GPM6B: variants seen among roughly 807,000 people sequenced by gnomAD.
GPM6B encodes the protein neuronal membrane glycoprotein M6-b.
A neutral mutation model predicts 27.2 loss-of-function variants in GPM6B; 4 were observed. The ratio of observed to expected loss-of-function variants is 0.15; its 90% CI spans 0.07 to 0.34. The LOEUF (loss-of-function observed/expected upper bound fraction) is 0.34, where lower values mean the gene tolerates loss of function less well. GPM6B is among the 10% of genes least tolerant of loss of function. The pLI is 1.00. For synonymous variants in GPM6B, 124 were observed against 103.1 expected (o/e 1.20, Z -1.23); for missense variants, 183 against 261.9 (o/e 0.70, Z 2.08).
intron 1 of GPM6B, among the ~76,000 whole-genome samples, chrX:13,814,838 C>G (rs1350413995): frequency 8.9e-6 from 1 of 112,049 alleles, no homozygotes; most frequent in Non-Finnish European, 1.9e-5. Context: ...AATCCCCTGG[C>G]TTGTATTCTT....
rs201516031 is a variant in GPM6B, at chrX:13,874,946, C to CA, written c.-198+63380dup. ...TCCATACACATACCAATCCCCCCCC[C>CA]ACCCCCGCTTCAAACTCTCCCTCTT... is the stretch of plus-strand genomic sequence containing the variant. On this transcript the variant is annotated intron_variant, in intron 1 of 6. Coordinates refer to the GPM6B transcript ENST00000398361. 3.0e-5 allele frequency among the ~76,000 whole-genome samples: 3 copies of CA among 99,889 alleles called. 1 individual carries two copies. Among genetic ancestry groups the CA allele is most frequent in the African/African-American group, 1.1e-4 (3 of 26,458 alleles). 86.7% of individuals were successfully genotyped at this position (99,889 alleles called of 115,157 possible).
In GPM6B at chrX:13,772,287, A is replaced by T. The variant is rs1163447767; in HGVS notation, c.*594T>A. ...GCTAATTTTAGCATTATTGAAAAATATATTTCTGATTGGCTCAGGAAATTA... is the reference window on the plus strand; with the variant it reads ...GCTAATTTTAGCATTATTGAAAAATTTATTTCTGATTGGCTCAGGAAATTA... On this transcript the variant is annotated 3_prime_UTR_variant, in exon 8 of 8. Transcript: ENST00000316715. 1.8e-5 allele frequency: 2 copies of T among 112,364 alleles called. No homozygotes were observed. Among genetic ancestry groups the T allele is most frequent in the Admixed American group, 1.9e-4 (2 of 10,585 alleles). The allele number at this position is 112,364 out of a possible 1,213,427, so 9.3% of individuals were successfully genotyped here.
At chrX:13,776,650 G>T (rs1428594362) in intron 6 of GPM6B, among the ~76,000 whole-genome samples, 1 of 112,323 alleles carries the variant, frequency 8.9e-6, no homozygotes, top group African/African-American at 3.2e-5. Flanking sequence ...TGACAAGTCA[G>T]ATAGGGTAGG....
chrX:13,867,140 C>A (rs1388537248), intron 1 of GPM6B, among the ~76,000 whole-genome samples: 3 of 108,538 alleles, frequency 2.8e-5, no homozygotes, highest in African/African-American at 1.0e-4. Flanking sequence ...GACAGGGTCT[C>A]ACTCTGTCAC....
intron 1 of GPM6B, among the ~76,000 whole-genome samples, chrX:13,871,118 A>C (rs2049973809): frequency 9.5e-6 from 1 of 105,104 alleles, no homozygotes; most frequent in Non-Finnish European, 2.0e-5. Context: ...ACAAAACAAA[A>C]AAAAAAGAAG....
chrX:13,896,703 G>A (rs1034904452), intron 1 of GPM6B, among the ~76,000 whole-genome samples: 8 of 110,548 alleles, frequency 7.2e-5, no homozygotes, highest in Non-Finnish European at 1.5e-4. Context: ...AAGTAGCTGA[G>A]ACTACAGGTG....
intron 2 of GPM6B, among the ~76,000 whole-genome samples, chrX:13,790,854 C>T (rs940057411): frequency 9.8e-6 from 1 of 101,949 alleles, no homozygotes; most frequent in African/African-American, 3.8e-5. Context: ...CCTGAGAAAG[C>T]AGATTTCTAA....
At chrX:13,832,174 G>GTAGTT (rs1226009009) in intron 1 of GPM6B, among the ~76,000 whole-genome samples, 1 of 111,735 alleles carries the variant, frequency 8.9e-6, no homozygotes, top group East Asian at 2.8e-4. Context: ...GAGTGAGCAT[G>GTAGTT]TAGTTGTCAC....
At chrX:13,852,935 C>T (rs1253711504) in intron 1 of GPM6B, among the ~76,000 whole-genome samples, 1 of 110,080 alleles carries the variant, frequency 9.1e-6, no homozygotes, top group African/African-American at 3.3e-5. Context: ...TGCACGCCAC[C>T]ATGCCCAGCC....
intron 2 of GPM6B, among the ~76,000 whole-genome samples, chrX:13,805,556 T>C (rs2049006565): frequency 8.9e-6 from 1 of 112,182 alleles, no homozygotes; most frequent in African/African-American, 3.2e-5. Context: ...AAACAGAAAA[T>C]GGAGCCTCGT....
At chrX:13,887,844 C>A (rs1199938499) in intron 1 of GPM6B, among the ~76,000 whole-genome samples, 1 of 111,579 alleles carries the variant, frequency 9.0e-6, no homozygotes, top group Non-Finnish European at 1.9e-5. Context: ...TTGCAAAGCT[C>A]CTCAGCTGAT....
chrX:13,913,732 T>C (rs1217886978), intron 1 of GPM6B, among the ~76,000 whole-genome samples: 1 of 111,208 alleles, frequency 9.0e-6, no homozygotes, highest in Non-Finnish European at 1.9e-5. Flanking sequence ...CTCTCAACTA[T>C]GTGAAAAACT....
intron 1 of GPM6B, among the ~76,000 whole-genome samples, chrX:13,808,846 T>G (rs1170171632): frequency 8.9e-6 from 1 of 111,864 alleles, no homozygotes; most frequent in East Asian, 2.8e-4. Flanking sequence ...CCACAATCTC[T>G]GAAAACTTGT....
intron 1 of GPM6B, among the ~76,000 whole-genome samples, chrX:13,905,046 G>C (rs1172654283): frequency 3.7e-5 from 4 of 107,674 alleles, no homozygotes; most frequent in Non-Finnish European, 7.7e-5. Flanking sequence ...ACCAGCCTGG[G>C]CAACATGGCG....
intron 1 of GPM6B, among the ~76,000 whole-genome samples, chrX:13,852,772 A>AT: frequency 2.2e-5 from 1 of 46,012 alleles, no homozygotes; most frequent in Non-Finnish European, 4.0e-5. Context: ...TACAACAAAA[A>AT]CTTTTTTTTT....
Position 13,855,311 on chromosome X carries a change from G to A in GPM6B, c.-197-69503C>T, listed in dbSNP as rs73633580. ...TGCGATTATAGGCGTGAGCCACCGCGCCCGGCTCCCCTGACTTTTAAGGCC... is the reference window on the plus strand; with the variant it reads ...TGCGATTATAGGCGTGAGCCACCGCACCCGGCTCCCCTGACTTTTAAGGCC... On this transcript the variant is annotated intron_variant, in intron 1 of 6. Coordinates refer to the GPM6B transcript ENST00000398361. Among the ~76,000 whole-genome samples, 245 of 112,383 alleles carry A rather than the reference G, an allele frequency of 2.2e-3. 3 individuals are homozygous for A. Among genetic ancestry groups the A allele is most frequent in the African/African-American group, 7.5e-3 (234 of 30,998 alleles).
In GPM6B at chrX:13,875,655, G is replaced by A. The variant is rs766900000; in HGVS notation, c.-198+62672C>T. Among the ~76,000 whole-genome samples, 3 of 112,250 alleles carry A rather than the reference G, an allele frequency of 2.7e-5. No individual in the cohort carries two copies. In the South Asian group the frequency reaches 1.1e-3, roughly 42 times the overall value. ...CAACTGAGGAATGGATACATGAAAT[G>A]TGATCTATCTGTACAATGGAATAGC... On this transcript the variant is annotated intron_variant, in intron 1 of 6. Transcript: ENST00000398361.
intron 1 of GPM6B, among the ~76,000 whole-genome samples, chrX:13,892,471 T>G (rs2147031792): frequency 8.9e-6 from 1 of 112,352 alleles, no homozygotes; most frequent in African/African-American, 3.2e-5. Context: ...TCAATTTCTG[T>G]CCATGCTTAT....
intron 1 of GPM6B, among the ~76,000 whole-genome samples, chrX:13,916,020 G>A (rs976271896): frequency 4.5e-5 from 5 of 111,806 alleles, no homozygotes; most frequent in Non-Finnish European, 9.4e-5. Context: ...TCCCCTAAGA[G>A]GCTCTGAAAG....
Sources: allele counts gnomAD v4.1 joint callset (sites outside exome capture counted in the v4.1 genomes callset), GRCh38; gene constraint gnomAD v4.1.1; transcripts MANE v1.5; gene names NCBI Gene and HGNC (gene_info 2026-07-23, HGNC 2026-07-21).